PDE5A: variants seen among roughly 807,000 people sequenced by gnomAD.
The protein encoded by PDE5A is cGMP-specific 3',5'-cyclic phosphodiesterase.
In PDE5A, 67 loss-of-function variants were observed where a neutral mutation model predicts 110.2. That is an observed-to-expected ratio of 0.61 (90% CI 0.50 to 0.75). The LOEUF is 0.75. PDE5A is among the 30% of genes least tolerant of loss of function. The probability of loss-of-function intolerance (pLI) is 0.00; values close to 1 mark genes in which losing one functional copy is unlikely to be tolerated. For missense variants in PDE5A, 862 were observed against 1,045.1 expected (o/e 0.82, Z 2.42); for synonymous variants, 328 against 351.2 (o/e 0.93, Z 0.74).
chr4:119,498,541 C>G lies in PDE5A; in HGVS notation c.*60G>C. ...CACTATACAGACAGTGTGTAAGAAA[C>G]TAGGCATATTGCAGAACACACCATC... is the stretch of plus-strand genomic sequence containing the variant. On this transcript the variant is annotated 3_prime_UTR_variant, in exon 21 of 21. Transcript: ENST00000354960. The G allele has an allele frequency of 6.3e-7, 1 of 1,586,678 alleles. No individual in the cohort carries two copies. The highest frequency in any genetic ancestry group is 8.6e-7 in the Non-Finnish European group (1 of 1,157,286).
chr4:119,518,741 C>A (rs1396270566), intron 14 of PDE5A, among the ~76,000 whole-genome samples: 1 of 152,064 alleles, frequency 6.6e-6, no homozygotes, highest in Non-Finnish European at 1.5e-5. Context: ...AAAATGTTAC[C>A]TTTTCTAAAC....
At chr4:119,593,406 G>T (rs561020230) in intron 3 of PDE5A, among the ~76,000 whole-genome samples, 1 of 152,264 alleles carries the variant, frequency 6.6e-6, no homozygotes, top group Non-Finnish European at 1.5e-5. Flanking sequence ...CAATAAAAAG[G>T]TACAAACTAC....
intron 19 of PDE5A, among the ~76,000 whole-genome samples, chr4:119,501,946 G>A (rs1725352905): frequency 6.6e-6 from 1 of 152,000 alleles, no homozygotes; most frequent in African/African-American, 2.4e-5. Flanking sequence ...ACAGCACTGT[G>A]ATAAACATCT....
chr4:119,578,418 C>T (rs1273852258), intron 3 of PDE5A, among the ~76,000 whole-genome samples: 6 of 152,142 alleles, frequency 3.9e-5, no homozygotes, highest in African/African-American at 9.7e-5. Context: ...GGAGGCATCA[C>T]GCTACCTGAC....
intron 19 of PDE5A, 51 bp from the exon 20 acceptor site, chr4:119,501,304 G>C (rs748327584): frequency 9.2e-7 from 1 of 1,090,746 alleles, no homozygotes; most frequent in South Asian, 1.3e-5. Context: ...TATTTATTTA[G>C]TTAGTTATTA....
chr4:119,560,259 CAT>C (rs1278996199), intron 7 of PDE5A, 35 bp downstream of exon 7: 2 of 1,173,034 alleles, frequency 1.7e-6, no homozygotes, highest in African/African-American at 3.1e-5. Context: ...AATATTATAT[CAT>C]GTGATAAAGA....
chr4:119,557,093 C>T (rs1482847369), intron 7 of PDE5A, among the ~76,000 whole-genome samples: 2 of 152,148 alleles, frequency 1.3e-5, no homozygotes, highest in South Asian at 2.1e-4. Context: ...GTCACCTCTA[C>T]CAGGGTTGAT....
chr4:119,567,047 C>A (rs775495348), intron 4 of PDE5A, 26 bp downstream of exon 4: 1 of 1,544,506 alleles, frequency 6.5e-7, no homozygotes, highest in East Asian at 2.2e-5. Flanking sequence ...CCTAAATTGG[C>A]TCATGTCTGA....
At chr4:119,572,324 T>G (rs183834819) in intron 3 of PDE5A, among the ~76,000 whole-genome samples, 1 of 152,232 alleles carries the variant, frequency 6.6e-6, no homozygotes, top group Admixed American at 6.5e-5. Flanking sequence ...TTGATGATAA[T>G]GGGAAAAATG....
chr4:119,527,124 GC>G (rs1171836852), intron 11 of PDE5A: 1 of 152,014 alleles, frequency 6.6e-6, no homozygotes, highest in East Asian at 1.9e-4. Flanking sequence ...TTTCCTTAGG[GC>G]ATCATTATTC....
At chr4:119,609,030 CG>C (rs1205122279) in intron 1 of PDE5A, among the ~76,000 whole-genome samples, 1 of 151,912 alleles carries the variant, frequency 6.6e-6, no homozygotes, top group East Asian at 1.9e-4. Context: ...GGCTTGGTGG[CG>C]GGCGCCTGTA....
chr4:119,628,422 C>T, intron 1 of PDE5A, 98 bp downstream of exon 1: 1 of 1,029,046 alleles, frequency 9.7e-7, no homozygotes, highest in Non-Finnish European at 1.4e-6. Flanking sequence ...CGAGGACCTA[C>T]TTCAAAAGCA....
chr4:119,503,366 C>CAGTT (rs1725437262), intron 18 of PDE5A, among the ~76,000 whole-genome samples: 1 of 152,110 alleles, frequency 6.6e-6, no homozygotes, highest in African/African-American at 2.4e-5. Flanking sequence ...AACATTATAG[C>CAGTT]AGTTACTTAG....
At chr4:119,517,527 T>C (rs1025625637) in intron 14 of PDE5A, among the ~76,000 whole-genome samples, 2 of 151,716 alleles carry the variant, frequency 1.3e-5, no homozygotes, top group Admixed American at 1.3e-4. Context: ...AGTTGAAGTC[T>C]GCTTTGTGGT....
intron 11 of PDE5A, among the ~76,000 whole-genome samples, chr4:119,538,526 C>T (rs1726808775): frequency 6.6e-6 from 1 of 152,078 alleles, no homozygotes; most frequent in Non-Finnish European, 1.5e-5. Context: ...AGGAACTGAC[C>T]TTATTTGACC....
At chr4:119,580,873 CACT>C (rs1266319830) in intron 3 of PDE5A, among the ~76,000 whole-genome samples, 2 of 152,194 alleles carry the variant, frequency 1.3e-5, no homozygotes, top group African/African-American at 4.8e-5. Flanking sequence ...ATAATTCCAC[CACT>C]GTTTATGTTC....
chr4:119,627,286 C>T lies in PDE5A; in HGVS notation c.152+1234G>A, dbSNP rs201024707. 11 of 1,484,666 alleles carry T rather than the reference C, an allele frequency of 7.4e-6. No homozygotes were observed. The highest frequency in any genetic ancestry group is 2.0e-5 in the Admixed American group (1 of 48,968). The allele number at this position is 1,484,666 out of a possible 1,614,324, so 92.0% of individuals were successfully genotyped here. On this transcript the variant is annotated intron_variant, in intron 1 of 20. Transcript: ENST00000354960. The surrounding 1 kb of genome is among the most constrained non-coding windows in gnomAD (Gnocchi z 4.6). Reference sequence around the variant, plus strand: ...TGAGGTGAGGTCGGCGACTCAGAACCAGCTCCCTCACGGCCCCGGCCTCCG... The same window carrying T: ...TGAGGTGAGGTCGGCGACTCAGAACTAGCTCCCTCACGGCCCCGGCCTCCG...
At chr4:119,522,513 A>T (rs568902582) in intron 12 of PDE5A, among the ~76,000 whole-genome samples, 1 of 152,108 alleles carries the variant, frequency 6.6e-6, no homozygotes, top group Non-Finnish European at 1.5e-5. Context: ...CCAGAAATTT[A>T]AACTTTGGAT....
intron 4 of PDE5A, 107 bp from the exon 5 acceptor site, chr4:119,565,517 G>C: frequency 1.4e-6 from 1 of 735,664 alleles, no homozygotes. Context: ...CAAAAGAATA[G>C]ATGTTTGTTC....
Sources: allele counts gnomAD v4.1 joint callset (sites outside exome capture counted in the v4.1 genomes callset), GRCh38; gene constraint gnomAD v4.1.1; non-coding constraint Gnocchi (gnomAD v3.1); transcripts MANE v1.5; gene names NCBI Gene and HGNC (gene_info 2026-07-23, HGNC 2026-07-21).